Variants in TLK1 observed in about 807,000 individuals in gnomAD.
TLK1 encodes serine/threonine-protein kinase tousled-like 1.
TLK1 carries 24 observed loss-of-function variants against 105.3 expected under a neutral mutation model. The ratio of observed to expected loss-of-function variants is 0.23; its 90% confidence interval spans 0.17 to 0.32. TLK1 has a LOEUF of 0.32. Ranked by LOEUF, TLK1 falls within the 10% of genes least tolerant of loss-of-function variation. The pLI is 1.00. For synonymous variants in TLK1, 321 were observed against 310.4 expected, an observed-to-expected ratio of 1.03 and a Z score of -0.36; for missense variants, 558 against 910.5, an observed-to-expected ratio of 0.61 and a Z score of 4.98.
intron 1 of TLK1, among the ~76,000 whole-genome samples, chr2:171,173,156 G>A (rs1442432832): frequency 6.6e-6 from 1 of 152,144 alleles, no homozygotes; most frequent in Non-Finnish European, 1.5e-5. Context: ...GGTGCAACAT[G>A]ACAAAAGCTT....
At chr2:171,051,743 T>C (rs1320355131) in intron 8 of TLK1, among the ~76,000 whole-genome samples, 2 of 152,286 alleles carry the variant, frequency 1.3e-5, no homozygotes, top group Non-Finnish European at 2.9e-5. Flanking sequence ...GATAAAAAGA[T>C]GCTGCAGTAC....
At position 170,992,951 on chromosome 2, in the gene TLK1, T is replaced by C. The variant is rs1473069117; in HGVS notation, c.*829A>G. On this transcript the variant is annotated 3_prime_UTR_variant, in exon 21 of 21. Coordinates refer to ENST00000431350, the MANE Select transcript of TLK1 (RefSeq NM_012290.5). ...TATCCTGCATAGAACTGGTCTGCAT[T>C]TGGTTACTCACTGTCACCTGTTTTG... 6.6e-6 allele frequency: 1 copy of C among 152,636 alleles called. No homozygotes were observed. Among genetic ancestry groups the C allele is most frequent in the African/African-American group, 2.4e-5 (1 of 41,454 alleles). The allele number at this position is 152,636 out of a possible 1,614,324, so 9.5% of individuals were successfully genotyped here.
chr2:171,160,448 C>T lies in TLK1; in HGVS notation c.-20G>A. 3 of 1,587,508 alleles carry T rather than the reference C, an allele frequency of 1.9e-6. No individual in the cohort carries two copies. The highest frequency in any genetic ancestry group is 2.6e-6 in the Non-Finnish European group (3 of 1,169,308). The stretch of plus-strand genomic sequence containing the variant: ...ACTCATCAAGCTACTTTCTGGGAAC[C>T]CGACTCCCCCCCTGCGACGGCAGCG... On this transcript the variant is annotated 5_prime_UTR_variant, in exon 1 of 21. Coordinates refer to ENST00000431350, the MANE Select transcript of TLK1 (RefSeq NM_012290.5). The surrounding 1 kb of genome is among the most constrained non-coding windows in gnomAD (Gnocchi z 4.4).
chr2:171,121,934 CCTT>C (rs1257195568), intron 1 of TLK1, among the ~76,000 whole-genome samples: 2 of 152,122 alleles, frequency 1.3e-5, no homozygotes, highest in Non-Finnish European at 2.9e-5. Context: ...ATTCTTAACA[CCTT>C]CTAATTACTT....
intron 1 of TLK1, among the ~76,000 whole-genome samples, chr2:171,158,469 T>C (rs1453284787): frequency 6.6e-6 from 1 of 152,220 alleles, no homozygotes; most frequent in Non-Finnish European, 1.5e-5. Flanking sequence ...AAACTCACAA[T>C]CTAGATGTTT....
chr2:171,169,397 T>C (rs1171234791), intron 1 of TLK1, among the ~76,000 whole-genome samples: 1 of 152,166 alleles, frequency 6.6e-6, no homozygotes, highest in Admixed American at 6.5e-5. Flanking sequence ...GCATAAAATA[T>C]ATATATACAA....
chr2:171,135,873 G>C (rs541435183), intron 1 of TLK1, among the ~76,000 whole-genome samples: 7 of 152,244 alleles, frequency 4.6e-5, no homozygotes, highest in African/African-American at 1.4e-4. Context: ...ACACCTATTA[G>C]AATGGCTACC....
At position 171,028,363 on chromosome 2, in the gene TLK1, T is replaced by C; in HGVS notation, c.1212A>G (p.Lys404=). 1 of 1,610,860 alleles carries C rather than the reference T, an allele frequency of 6.2e-7. No individual in the cohort carries two copies. The highest frequency in any genetic ancestry group is 8.5e-7 in the Non-Finnish European group (1 of 1,178,028). ...AEYHEQEEIF[K]LRLGHLKKEE... ...CCTTTTTGAGATGTCCTAGTCTAAG[T>C]TTGAAAATTTCTTCCTGTTCATGAT... Residue 404 remains lysine (K), a synonymous_variant, in exon 12 of 21, where the codon AAA becomes AAG. Coordinates refer to ENST00000431350, the MANE Select transcript of TLK1 (RefSeq NM_012290.5).
At chr2:171,084,020 C>CA (rs1199794089) in intron 2 of TLK1, among the ~76,000 whole-genome samples, 1 of 151,954 alleles carries the variant, frequency 6.6e-6, no homozygotes, top group East Asian at 1.9e-4. Flanking sequence ...AATAGTAAAC[C>CA]AAAAACCCAC....
intron 1 of TLK1, among the ~76,000 whole-genome samples, chr2:171,145,663 A>G (rs1421987963): frequency 6.6e-6 from 1 of 152,194 alleles, no homozygotes; most frequent in Non-Finnish European, 1.5e-5. Flanking sequence ...ACCATTATTA[A>G]TATTTTGTCA....
chr2:171,099,935 G>C (rs1689617859), intron 2 of TLK1, among the ~76,000 whole-genome samples: 1 of 152,168 alleles, frequency 6.6e-6, no homozygotes, highest in South Asian at 2.1e-4. Flanking sequence ...ATATAAATAT[G>C]TGATTCTGGA....
intron 2 of TLK1, among the ~76,000 whole-genome samples, chr2:171,083,974 A>T (rs1291452667): frequency 6.6e-6 from 1 of 152,200 alleles, no homozygotes; most frequent in African/African-American, 2.4e-5. Context: ...GTGTTTGAGC[A>T]TCTGTAAATA....
chr2:171,058,035 T>G (rs1687583902), intron 5 of TLK1, 116 bp downstream of exon 5: 5 of 975,674 alleles, frequency 5.1e-6, no homozygotes, highest in Non-Finnish European at 7.9e-6. Flanking sequence ...GTAATAAAGC[T>G]CTGCTCTAAT....
chr2:171,017,486 A>C (rs912178970), intron 12 of TLK1, among the ~76,000 whole-genome samples: 2 of 152,230 alleles, frequency 1.3e-5, no homozygotes, highest in Admixed American at 6.5e-5. Context: ...CAGTGAATTT[A>C]TAAAAGCTAA....
At chr2:171,079,580 G>A (rs1433860707) in intron 3 of TLK1, among the ~76,000 whole-genome samples, 1 of 152,166 alleles carries the variant, frequency 6.6e-6, no homozygotes, top group Non-Finnish European at 1.5e-5. Flanking sequence ...CAGGAGTGAT[G>A]TAAAATAAAA....
chr2:171,128,722 A>G lies in TLK1; in HGVS notation c.140-10865T>C, dbSNP rs758047207. ...TGACAATCTGCTATTTTTAAAATCAATCTCTCACATTGTGTATATACATGT... is the reference window on the plus strand; with the variant it reads ...TGACAATCTGCTATTTTTAAAATCAGTCTCTCACATTGTGTATATACATGT... On this transcript the variant is annotated intron_variant, in intron 1 of 20. Transcript: ENST00000431350. Among the ~76,000 whole-genome samples, 102 of 152,122 alleles carry G rather than the reference A, an allele frequency of 6.7e-4. 1 individual carries two copies. The highest frequency in any genetic ancestry group is 9.6e-4 in the Non-Finnish European group (65 of 68,010).
intron 1 of TLK1, among the ~76,000 whole-genome samples, chr2:171,179,032 C>T (rs1044591354): frequency 6.6e-6 from 1 of 152,146 alleles, no homozygotes; most frequent in African/African-American, 2.4e-5. Context: ...ATAGCCTCAT[C>T]TAATGATGGG....
intron 14 of TLK1, among the ~76,000 whole-genome samples, chr2:171,009,091 C>CCAGG (rs1293973252): frequency 6.6e-6 from 1 of 152,028 alleles, no homozygotes; most frequent in Non-Finnish European, 1.5e-5. Context: ...TGGAAGAGAG[C>CCAGG]CCAAAGATCA....
At chr2:171,164,453 A>G (rs1299009438), upstream of TLK1, among the ~76,000 whole-genome samples, 3 of 152,206 alleles carry the variant, frequency 2.0e-5, no homozygotes, top group Non-Finnish European at 4.4e-5. Flanking sequence ...CAAGAGTTCA[A>G]GACTAGCCTG....
Sources: allele counts gnomAD v4.1 joint callset (sites outside exome capture counted in the v4.1 genomes callset), GRCh38; gene constraint gnomAD v4.1.1; non-coding constraint Gnocchi (gnomAD v3.1); transcripts MANE v1.5; gene names NCBI Gene and HGNC (gene_info 2026-07-23, HGNC 2026-07-21).